The following RPS6KA2 variants were observed in gnomAD, a reference collection of about 807,000 sequenced individuals.
RPS6KA2 encodes the protein ribosomal protein S6 kinase A2, also known as ribosomal protein S6 kinase alpha-2.
A neutral mutation model predicts 91.8 loss-of-function variants in RPS6KA2; 42 were observed. The ratio of observed to expected loss-of-function variants is 0.46; its 90% CI spans 0.36 to 0.59. The LOEUF (loss-of-function observed/expected upper bound fraction) is 0.59. RPS6KA2 is among the 20% of genes least tolerant of loss of function. The pLI, the probability that RPS6KA2 is intolerant of heterozygous loss-of-function variation, is 0.00. For synonymous variants in RPS6KA2, 414 were observed against 393.6 expected (o/e 1.05, Z -0.61); for missense variants, 798 against 978.5 (o/e 0.82, Z 2.46).
chr6:166,662,926 A>G lies in RPS6KA2; in HGVS notation c.124-124142T>C, dbSNP rs755865147. On this transcript the variant is annotated intron_variant, in intron 2 of 21. Transcript: ENST00000503859. The surrounding 1 kb of genome is among the most constrained non-coding windows in gnomAD (Gnocchi z 4.3). The stretch of plus-strand genomic sequence containing the variant: ...AGAGACACCGGGGCCGCCTCTGTGT[A>G]TGGAGGAACGGCCACGCGAGGACAG... Among the ~76,000 whole-genome samples, 4 of 152,096 alleles carry G rather than the reference A, an allele frequency of 2.6e-5. No homozygotes were observed. The highest frequency in any genetic ancestry group is 2.1e-4 in the South Asian group (1 of 4,808).
intron 1 of RPS6KA2, among the ~76,000 whole-genome samples, chr6:166,539,269 C>G (rs1046542946): frequency 1.3e-5 from 2 of 152,142 alleles, no homozygotes; most frequent in African/African-American, 4.8e-5. Context: ...TTGTGTGCAC[C>G]CTGTGGGCCT....
chr6:166,802,213 T>C (rs1262841439), intron 2 of RPS6KA2, among the ~76,000 whole-genome samples: 4 of 150,348 alleles, frequency 2.7e-5, no homozygotes, highest in Non-Finnish European at 5.9e-5. Context: ...GAGATTGCAG[T>C]GAGCTGACAT....
chr6:166,735,171 C>A (rs925009862), intron 2 of RPS6KA2, among the ~76,000 whole-genome samples: 1 of 152,216 alleles, frequency 6.6e-6, no homozygotes, highest in Non-Finnish European at 1.5e-5. Flanking sequence ...ATCCTCCTGC[C>A]CAGCCACTCC....
chr6:166,678,034 G>A (rs1032322094), intron 2 of RPS6KA2, among the ~76,000 whole-genome samples: 6 of 152,190 alleles, frequency 3.9e-5, no homozygotes, highest in African/African-American at 1.2e-4. Flanking sequence ...CATTTTTAAA[G>A]CTGGTGTGGG....
intron 2 of RPS6KA2, among the ~76,000 whole-genome samples, chr6:166,816,391 C>CAAAAAAAAAAA (rs61347721): frequency 3.3e-5 from 4 of 120,076 alleles, no homozygotes; most frequent in Admixed American, 8.8e-5. Context: ...ACTAAAAATA[C>CAAAAAAAAAAA]AAAAAAAAAA....
chr6:166,542,054 A>G (rs1783674528), intron 1 of RPS6KA2, among the ~76,000 whole-genome samples: 1 of 152,224 alleles, frequency 6.6e-6, no homozygotes, highest in African/African-American at 2.4e-5. Context: ...AGGATGCTTA[A>G]CTTTCTTTTT....
intron 2 of RPS6KA2, among the ~76,000 whole-genome samples, chr6:166,672,132 C>G (rs1242421560): frequency 6.6e-6 from 1 of 152,004 alleles, no homozygotes; most frequent in African/African-American, 2.4e-5. Context: ...TGTACAGACA[C>G]CAAGGAAAAC....
intron 2 of RPS6KA2, among the ~76,000 whole-genome samples, chr6:166,692,526 T>C (rs1024970547): frequency 2.0e-5 from 3 of 151,436 alleles, no homozygotes; most frequent in Non-Finnish European, 2.9e-5. Flanking sequence ...TAAAGATACA[T>C]AGGAACAAAG....
In RPS6KA2 at chr6:166,588,834, GCTCA is replaced by G. The variant is rs557810769; in HGVS notation, c.99+38083_99+38086del. On this transcript the variant is annotated intron_variant, in intron 1 of 20. Coordinates refer to ENST00000265678, the MANE Select transcript of RPS6KA2 (RefSeq NM_021135.6). ...GGTGCGGCAGCCAATGGCCCTCCGT[GCTCA>G]CTGTCAACCCGGCCAGCAGAGGCCA... 2.1e-3 allele frequency among the ~76,000 whole-genome samples: 321 copies of G among 152,300 alleles called. 1 individual carries two copies. Among genetic ancestry groups the G allele is most frequent in the African/African-American group, 7.5e-3 (310 of 41,574 alleles).
chr6:166,734,860 C>T (rs949146633), intron 2 of RPS6KA2, among the ~76,000 whole-genome samples: 1 of 152,160 alleles, frequency 6.6e-6, no homozygotes, highest in African/African-American at 2.4e-5. Context: ...CTCACCTTTA[C>T]CATGACAGTG....
intron 1 of RPS6KA2, among the ~76,000 whole-genome samples, chr6:166,591,594 T>C (rs1317424887): frequency 1.3e-5 from 2 of 151,946 alleles, no homozygotes; most frequent in South Asian, 2.1e-4. Flanking sequence ...CCTGAGATGA[T>C]GGAGGCAGCC....
At chr6:166,695,541 C>G (rs1177556185) in intron 2 of RPS6KA2, among the ~76,000 whole-genome samples, 1 of 152,206 alleles carries the variant, frequency 6.6e-6, no homozygotes. Context: ...AATCCTCAGG[C>G]CTCAGACTGG....
At chr6:166,677,676 T>C (rs910356922) in intron 2 of RPS6KA2, among the ~76,000 whole-genome samples, 1 of 152,160 alleles carries the variant, frequency 6.6e-6, no homozygotes, top group Non-Finnish European at 1.5e-5. Flanking sequence ...TCTTTATCCT[T>C]GAAAAGGGGA....
At chr6:166,717,476 G>A (rs1050689288) in intron 2 of RPS6KA2, among the ~76,000 whole-genome samples, 1 of 152,196 alleles carries the variant, frequency 6.6e-6, no homozygotes, top group African/African-American at 2.4e-5. Flanking sequence ...TGGGAAGAAG[G>A]CCAGGGAATT....
rs558170303 is a variant in RPS6KA2 at position 166,659,707 on chromosome 6, G to A, written c.124-120923C>T. The stretch of plus-strand genomic sequence containing the variant: ...AGTGCTGCCACTGGTCAGTGGACAC[G>A]GGTGGGAGCCAGCGCTGGACGGCGT... On this transcript the variant is annotated intron_variant, in intron 2 of 21. Transcript: ENST00000503859. 2.6e-5 allele frequency among the ~76,000 whole-genome samples: 4 copies of A among 152,260 alleles called. 1 individual carries two copies. The highest frequency in any genetic ancestry group is 5.9e-5 in the Non-Finnish European group (4 of 68,012).
intron 1 of RPS6KA2, among the ~76,000 whole-genome samples, chr6:166,552,124 C>T (rs918552653): frequency 5.3e-5 from 8 of 152,210 alleles, no homozygotes; most frequent in Non-Finnish European, 5.9e-5. Context: ...AGCTCCCTGA[C>T]CCCATGAACA....
At position 166,715,847 on chromosome 6, in the gene RPS6KA2, G is replaced by A. The variant is rs946697539; in HGVS notation, c.123+142353C>T. Reference sequence around the variant, plus strand: ...GAGGTCAGGAGTTCAAGACCAGCCCGGGCAACATGGTGAAACCCCGTCTCT... The same window carrying A: ...GAGGTCAGGAGTTCAAGACCAGCCCAGGCAACATGGTGAAACCCCGTCTCT... On this transcript the variant is annotated intron_variant, in intron 2 of 21. Transcript: ENST00000503859. 6.6e-5 allele frequency among the ~76,000 whole-genome samples: 10 copies of A among 152,168 alleles called. No individual in the cohort carries two copies. The East Asian group carries it at 7.7e-4, about 12-fold the overall frequency.
chr6:166,457,532 C>T (rs1421540814), intron 12 of RPS6KA2, among the ~76,000 whole-genome samples: 1 of 152,118 alleles, frequency 6.6e-6, no homozygotes, highest in East Asian at 1.9e-4. Flanking sequence ...CAGTGATGAA[C>T]CAAAGCTATA....
chr6:166,651,370 G>A (rs1431959242), intron 2 of RPS6KA2, among the ~76,000 whole-genome samples: 1 of 152,188 alleles, frequency 6.6e-6, no homozygotes, highest in Non-Finnish European at 1.5e-5. Context: ...GATTATGTAA[G>A]AGTATCTAAA....
Sources: gnomAD v4.1 joint callset for allele counts (sites outside exome capture counted in the v4.1 genomes callset) on GRCh38, gnomAD v4.1.1 for gene constraint, Gnocchi (gnomAD v3.1) non-coding constraint, MANE v1.5 for transcripts, NCBI Gene and HGNC (gene_info 2026-07-23, HGNC 2026-07-21) for gene names.